The following CDH15 variants were observed in gnomAD, a reference collection of about 807,000 sequenced individuals.
The protein encoded by CDH15 is cadherin-15.
CDH15 carries 73 observed loss-of-function variants against 69.4 expected under a neutral mutation model. That is an observed-to-expected ratio of 1.05 (90% CI 0.87 to 1.28). CDH15 has a LOEUF of 1.28. Among genes scored for constraint, CDH15 ranks in the 50% most tolerant of loss-of-function variants. The pLI, the probability that CDH15 is intolerant of heterozygous loss-of-function variation, is 0.00. For synonymous variants in CDH15, 624 were observed against 507.7 expected (o/e 1.23, Z -3.08); for missense variants, 1,343 against 1,133.6 (o/e 1.18, Z -2.65).
intron 4 of CDH15, among the ~76,000 whole-genome samples, chr16:89,183,989 A>G (rs1281337033): frequency 6.6e-6 from 1 of 152,070 alleles, no homozygotes; most frequent in Non-Finnish European, 1.5e-5. Flanking sequence ...GGCACACTCC[A>G]TCCTCACCCT....
At chr16:89,191,564 C>G in intron 9 of CDH15, 91 bp from the exon 10 acceptor site, 4 of 1,583,632 alleles carry the variant, frequency 2.5e-6, no homozygotes, top group Non-Finnish European at 3.4e-6. Flanking sequence ...CCATGTCGCC[C>G]GGGGGCTCAG....
Position 89,190,453 on chromosome 16 carries a change from T to G in CDH15, c.1189T>G (p.Phe397Val), listed in dbSNP as rs1187821303. 8 of 1,604,390 alleles carry G rather than the reference T, an allele frequency of 5.0e-6. No homozygotes were observed. The highest frequency in any genetic ancestry group is 6.8e-6 in the Non-Finnish European group (8 of 1,176,584). ...GAPPGTLVATFSARDPDTEQL... is the reference protein window; with the variant it reads ...GAPPGTLVATVSARDPDTEQL... Reference sequence around the variant, plus strand: ...ACCCCCAGGCACTCTGGTGGCCACCTTCTCTGCCCGGGACCCTGACACAGA... The same window carrying G: ...ACCCCCAGGCACTCTGGTGGCCACCGTCTCTGCCCGGGACCCTGACACAGA... The change falls in exon 8 of 14, where the codon TTC (phenylalanine) becomes GTC (valine). Residue 397 changes from phenylalanine to valine, a missense_variant. Phe to Val is a conservative substitution (Grantham distance 50). Coordinates refer to ENST00000289746, the MANE Select transcript of CDH15 (RefSeq NM_004933.3).
chr16:89,185,205 G>A lies in CDH15; in HGVS notation c.535G>A (p.Ala179Thr). The A allele has an allele frequency of 6.2e-7, 1 of 1,604,132 alleles. No homozygotes were observed. Among genetic ancestry groups the A allele is most frequent in the Non-Finnish European group, 8.5e-7 (1 of 1,176,192 alleles). ...TYVTRAEATD[A>T]DDPETDNAAL... ...TGTGACCAGGGCAGAGGCCACAGAT[G>A]CCGACGACCCCGAGACGGACAACGC... The change falls in exon 5 of 14, where the codon GCC becomes ACC. Residue 179 changes from alanine (A) to threonine (T), a missense_variant. Ala to Thr is a moderately conservative substitution (Grantham distance 58). Coordinates refer to ENST00000289746, the MANE Select transcript of CDH15 (RefSeq NM_004933.3).
chr16:89,188,709 G>C (rs377613895), intron 7 of CDH15, among the ~76,000 whole-genome samples: 6,610 of 78,174 alleles, frequency 0.085, 500 homozygotes, highest in Non-Finnish European at 0.11. Flanking sequence ...CGCACAGATG[G>C]CGGCACACAC....
At chr16:89,177,764 G>A (rs980133106) in intron 1 of CDH15, among the ~76,000 whole-genome samples, 7 of 152,204 alleles carry the variant, frequency 4.6e-5, no homozygotes, top group African/African-American at 1.2e-4. Context: ...TGTCCGTGCC[G>A]AGCCGAGTGG....
intron 11 of CDH15, 66 bp downstream of exon 11, chr16:89,192,510 C>A: frequency 2.0e-6 from 3 of 1,536,296 alleles, no homozygotes; most frequent in African/African-American, 1.4e-5. Flanking sequence ...AGGCCGTCCC[C>A]TGCTAACCAG....
chr16:89,192,305 G>A lies in CDH15; in HGVS notation c.1716G>A (p.Glu572=). ...CGGGGCAGCCGCCCCAGCAGCGCGA[G>A]CAGCCTCTGAACGTGACCGTGTGCC... ...RDSGQPPQQR[E]QPLNVTVCRC... is the part of the protein sequence containing the mutation. The change falls in exon 11 of 14, where the codon GAG becomes GAA. Residue 572 remains glutamate (E), a synonymous_variant. Transcript: ENST00000289746. 6.5e-7 allele frequency: 1 copy of A among 1,533,876 alleles called. No homozygotes were observed. Among genetic ancestry groups the A allele is most frequent in the Non-Finnish European group, 8.7e-7 (1 of 1,146,626 alleles).
At chr16:89,187,162 A>G (rs1021089448) in intron 5 of CDH15, among the ~76,000 whole-genome samples, 6 of 152,218 alleles carry the variant, frequency 3.9e-5, no homozygotes, top group African/African-American at 1.2e-4. Context: ...ACGCTTACCC[A>G]GCGCACAGTA....
chr16:89,183,773 A>T, intron 4 of CDH15, 81 bp downstream of exon 4: 1 of 1,414,860 alleles, frequency 7.1e-7, no homozygotes, highest in Admixed American at 2.1e-5. Context: ...TTAAGCAAGA[A>T]TTCCAGAGGC....
chr16:89,191,748 G>A lies in CDH15; in HGVS notation c.1469G>A (p.Ser490Asn). The change falls in exon 10 of 14, where the codon AGC (serine) becomes AAC (asparagine). Residue 490 changes from serine to asparagine, a missense_variant. Ser to Asn is a conservative substitution (Grantham distance 46). Transcript: ENST00000289746. ...GTGCTGGCCCCGCCGCCGCCGGGCA[G>A]CCTGTGCAGCGAGCCACACCAAGGC... ...APVLAPPPPG[S>N]LCSEPHQGPG... 6.2e-7 allele frequency: 1 copy of A among 1,604,818 alleles called. No individual in the cohort carries two copies. Among genetic ancestry groups the A allele is most frequent in the Non-Finnish European group, 8.5e-7 (1 of 1,179,298 alleles).
rs147301479 is a variant in CDH15 at position 89,183,577 on chromosome 16, A to T, written c.387A>T (p.Gly129=). ...RLRAFALDLG[G]STLEDPTDLE... ...GAGCGTTTGCCCTGGACCTGGGAGG[A>T]TCCACCCTGGAGGACCCCACGGACC... Residue 129 remains glycine, a synonymous_variant, in exon 4 of 14, where the codon GGA becomes GGT. Coordinates refer to ENST00000289746, the MANE Select transcript of CDH15 (RefSeq NM_004933.3). The T allele has an allele frequency of 9.9e-6, 16 of 1,613,972 alleles. No individual in the cohort carries two copies. The highest frequency in any genetic ancestry group is 1.3e-5 in the African/African-American group (1 of 74,900).
In CDH15 at chr16:89,187,445, A is replaced by G. The variant is rs142866362; in HGVS notation, c.680A>G (p.Asn227Ser). ...GLDREVVAVY[N>S]LTLQVADMSG... is the part of the protein sequence containing the mutation. The stretch of plus-strand genomic sequence containing the variant: ...CATCCCCAGGTGGTCGCGGTGTACA[A>G]TCTGACCCTGCAGGTGGCGGACATG... The change falls in exon 6 of 14, where the codon AAT becomes AGT. Residue 227 changes from asparagine (N) to serine (S), a missense_variant. By Grantham distance (46) the Asn-to-Ser change is conservative. Coordinates refer to ENST00000289746, the MANE Select transcript of CDH15 (RefSeq NM_004933.3). 5.2e-5 allele frequency: 84 copies of G among 1,613,110 alleles called. No individual in the cohort carries two copies. Among genetic ancestry groups the G allele is most frequent in the Middle Eastern group, 1.6e-4 (1 of 6,084 alleles).
chr16:89,189,577 G>A (rs1320501326), intron 7 of CDH15, among the ~76,000 whole-genome samples: 2 of 152,278 alleles, frequency 1.3e-5, no homozygotes, highest in African/African-American at 2.4e-5. Flanking sequence ...GAGGGCCAGA[G>A]GCAGGGGACA....
chr16:89,179,620 C>A (rs1915331694), intron 2 of CDH15, 46 bp downstream of exon 2: 1 of 1,502,524 alleles, frequency 6.7e-7, no homozygotes, highest in Non-Finnish European at 8.9e-7. Flanking sequence ...GTAGGCTGGT[C>A]CCCAGTGGGC....
chr16:89,185,040 G>A, intron 4 of CDH15, 133 bp from the exon 5 acceptor site: 1 of 823,538 alleles, frequency 1.2e-6, no homozygotes, highest in South Asian at 1.5e-5. Context: ...AGCATGGACT[G>A]ACTGCCCCAT....
intron 7 of CDH15, among the ~76,000 whole-genome samples, 171 bp downstream of exon 7, chr16:89,188,456 GCACACACAGATGCC>G (rs1449933374): frequency 7.0e-4 from 69 of 98,018 alleles, no homozygotes; most frequent in South Asian, 1.3e-3. Flanking sequence ...ACACATGCCG[GCACACACAGATGCC>G]CACACACAGA....
chr16:89,188,476 A>C (rs1444744205), intron 7 of CDH15, among the ~76,000 whole-genome samples, 191 bp downstream of exon 7: 3 of 145,950 alleles, frequency 2.1e-5, no homozygotes, highest in Non-Finnish European at 4.5e-5. Flanking sequence ...ATGCCCACAC[A>C]CAGATGCCGG....
chr16:89,173,956 C>A (rs936998229), intron 1 of CDH15, among the ~76,000 whole-genome samples: 1 of 152,226 alleles, frequency 6.6e-6, no homozygotes, highest in Admixed American at 6.5e-5. Context: ...CCCACTTCTG[C>A]ATCTGGGTTT....
intron 1 of CDH15, among the ~76,000 whole-genome samples, chr16:89,176,229 C>T (rs528770327): frequency 3.4e-4 from 52 of 152,384 alleles, no homozygotes; most frequent in African/African-American, 1.0e-3. Flanking sequence ...CCCCACGTCC[C>T]GGCCCCTGCC....
Sources: allele counts gnomAD v4.1 joint callset (sites outside exome capture counted in the v4.1 genomes callset), GRCh38; gene constraint gnomAD v4.1.1; transcripts MANE v1.5; gene names NCBI Gene and HGNC (gene_info 2026-07-23, HGNC 2026-07-21).